Variants in IL1RAPL1 observed in about 807,000 individuals in gnomAD.
IL1RAPL1 encodes the protein interleukin-1 receptor accessory protein-like 1.
Under a neutral mutation model 48.4 loss-of-function variants are expected in IL1RAPL1, and 3 were observed. The observed-to-expected ratio is 0.06, with a 90% CI of 0.03 to 0.16. The LOEUF is 0.16. Among genes scored for constraint, IL1RAPL1 ranks in the 10% least tolerant of loss-of-function variants. The probability of loss-of-function intolerance (pLI) is 1.00; values close to 1 mark genes in which losing one functional copy is unlikely to be tolerated. For missense variants in IL1RAPL1, 349 were observed against 530.6 expected, an observed-to-expected ratio of 0.66 and a Z score of 3.36; for synonymous variants, 185 against 187.7, an observed-to-expected ratio of 0.99 and a Z score of 0.12.
intron 1 of IL1RAPL1, among the ~76,000 whole-genome samples, chrX:28,617,614 A>G (rs1448142188): frequency 1.8e-5 from 2 of 111,964 alleles, no homozygotes; most frequent in African/African-American, 6.5e-5. Context: ...AAGCTCATTC[A>G]ATGGAATCAC....
At chrX:29,932,979 A>C (rs1932971961) in intron 8 of IL1RAPL1, among the ~76,000 whole-genome samples, 1 of 112,280 alleles carries the variant, frequency 8.9e-6, no homozygotes, top group Non-Finnish European at 1.9e-5. Context: ...CAAAGATGTG[A>C]AGCAGTACAT....
intron 2 of IL1RAPL1, among the ~76,000 whole-genome samples, chrX:29,030,478 A>AT (rs1185183713): frequency 7.2e-5 from 8 of 111,345 alleles, no homozygotes; most frequent in Non-Finnish European, 1.3e-4. Context: ...TTACCTGTGT[A>AT]TTTTTTACCT....
chrX:29,285,860 G>T (rs1222692456), intron 3 of IL1RAPL1, among the ~76,000 whole-genome samples: 3 of 111,531 alleles, frequency 2.7e-5, no homozygotes, highest in African/African-American at 9.8e-5. Context: ...AGCACGGCTT[G>T]GTGTTGACGT....
intron 2 of IL1RAPL1, among the ~76,000 whole-genome samples, chrX:29,067,983 T>G (rs1263205946): frequency 8.9e-6 from 1 of 112,063 alleles, no homozygotes; most frequent in Non-Finnish European, 1.9e-5. Flanking sequence ...CAAGAATTTT[T>G]TAATGGTCCT....
At chrX:28,723,989 T>G (rs2146941920) in intron 1 of IL1RAPL1, among the ~76,000 whole-genome samples, 1 of 111,881 alleles carries the variant, frequency 8.9e-6, no homozygotes, top group Non-Finnish European at 1.9e-5. Context: ...TCTTTTACAT[T>G]TGCTGAGGAG....
intron 2 of IL1RAPL1, among the ~76,000 whole-genome samples, chrX:29,163,842 A>G (rs192772849): frequency 1.1e-4 from 12 of 111,863 alleles, no homozygotes; most frequent in Non-Finnish European, 2.1e-4. Context: ...CCACCAGAAA[A>G]TTTCTGGTAG....
At chrX:29,686,794 G>A (rs900052843) in intron 6 of IL1RAPL1, among the ~76,000 whole-genome samples, 17 of 109,788 alleles carry the variant, frequency 1.5e-4, no homozygotes, top group South Asian at 3.9e-4. Flanking sequence ...TCCTGACCTC[G>A]TGATCCGTCC....
intron 6 of IL1RAPL1, among the ~76,000 whole-genome samples, chrX:29,917,179 C>T (rs1601882226): frequency 8.9e-6 from 1 of 112,154 alleles, no homozygotes; most frequent in Non-Finnish European, 1.9e-5. Context: ...TCAATCTAAT[C>T]ATGAGAAAAC....
chrX:29,941,305 T>C (rs1354630597), intron 8 of IL1RAPL1, among the ~76,000 whole-genome samples: 6 of 112,244 alleles, frequency 5.3e-5, no homozygotes, highest in African/African-American at 1.9e-4. Flanking sequence ...AGTGATACAT[T>C]TATATAAGAG....
chrX:29,659,884 A>G (rs1378192961), intron 5 of IL1RAPL1, among the ~76,000 whole-genome samples: 1 of 111,946 alleles, frequency 8.9e-6, no homozygotes, highest in Non-Finnish European at 1.9e-5. Context: ...TTGAATTCAT[A>G]TAAGGAACTA....
At chrX:29,551,005 A>G (rs746707454) in intron 5 of IL1RAPL1, among the ~76,000 whole-genome samples, 38 of 111,279 alleles carry the variant, frequency 3.4e-4, no homozygotes, top group African/African-American at 1.2e-3. Context: ...CAACCATTCT[A>G]TTTTCTGTCT....
intron 2 of IL1RAPL1, among the ~76,000 whole-genome samples, chrX:28,905,662 G>A (rs1005644892): frequency 1.8e-5 from 2 of 111,966 alleles, no homozygotes; most frequent in African/African-American, 3.2e-5. Context: ...CATATTTAGA[G>A]TATTTATACT....
chrX:29,904,741 C>T (rs1482202239), intron 6 of IL1RAPL1, among the ~76,000 whole-genome samples: 1 of 111,622 alleles, frequency 9.0e-6, no homozygotes, highest in Non-Finnish European at 1.9e-5. Context: ...CATGGTGTAT[C>T]TGTGCCACAT....
intron 5 of IL1RAPL1, among the ~76,000 whole-genome samples, chrX:29,667,616 G>T (rs1333239404): frequency 8.9e-6 from 1 of 112,013 alleles, no homozygotes; most frequent in Non-Finnish European, 1.9e-5. Flanking sequence ...ACTAACTAAA[G>T]TCCAGATATA....
chrX:29,159,592 A>G (rs1262344338), intron 2 of IL1RAPL1, among the ~76,000 whole-genome samples: 2 of 112,211 alleles, frequency 1.8e-5, no homozygotes, highest in African/African-American at 6.5e-5. Flanking sequence ...TTGATAGAAA[A>G]CTGCCATTTT....
intron 6 of IL1RAPL1, among the ~76,000 whole-genome samples, chrX:29,865,593 T>C (rs939156178): frequency 2.7e-5 from 3 of 109,157 alleles, no homozygotes; most frequent in African/African-American, 1.0e-4. Flanking sequence ...TGTGGTTGCA[T>C]TGGGCTCATT....
At chrX:29,616,377 G>A (rs1924286407) in intron 5 of IL1RAPL1, among the ~76,000 whole-genome samples, 1 of 108,098 alleles carries the variant, frequency 9.3e-6, no homozygotes, top group Admixed American at 1.0e-4. Context: ...TGTGCGCAAT[G>A]TGTAGGTTAG....
chrX:29,488,074 G>A (rs1935115337), intron 5 of IL1RAPL1, among the ~76,000 whole-genome samples: 1 of 111,889 alleles, frequency 8.9e-6, no homozygotes, highest in African/African-American at 3.2e-5. Context: ...CAACAAGGAA[G>A]GACACTACAG....
At chrX:29,837,273 A>AAAT (rs1931036842) in intron 6 of IL1RAPL1, among the ~76,000 whole-genome samples, 3 of 59,342 alleles carry the variant, frequency 5.1e-5, no homozygotes, top group African/African-American at 2.1e-4. Context: ...AAAAAAAAAA[A>AAAT]TATATATATA....
Sources: gnomAD v4.1 joint callset for allele counts (sites outside exome capture counted in the v4.1 genomes callset) on GRCh38, gnomAD v4.1.1 for gene constraint, MANE v1.5 for transcripts, NCBI Gene and HGNC (gene_info 2026-07-23, HGNC 2026-07-21) for gene names.